The following STPG2 variants were observed in gnomAD, a reference collection of about 807,000 sequenced individuals.
STPG2 encodes sperm-tail PG-rich repeat-containing protein 2.
STPG2 carries 56 observed loss-of-function variants against 54.2 expected under a neutral mutation model. The observed-to-expected ratio is 1.03, with a 90% CI of 0.83 to 1.29. The LOEUF is 1.29. STPG2 is among the 50% of genes most tolerant of loss of function. The probability of loss-of-function intolerance (pLI) is 0.00; values close to 1 mark genes in which losing one functional copy is unlikely to be tolerated. For missense variants in STPG2, 596 were observed against 544.9 expected (o/e 1.09, Z -0.93); for synonymous variants, 200 against 181.8 (o/e 1.10, Z -0.81).
At chr4:97,512,553 C>G (rs1179648392) in intron 4 of STPG2, among the ~76,000 whole-genome samples, 1 of 149,008 alleles carries the variant, frequency 6.7e-6, no homozygotes, top group Non-Finnish European at 1.5e-5. Context: ...TGAAAAGAAA[C>G]TGAGAAGAAG....
At chr4:97,481,720 T>C (rs1730224762) in intron 4 of STPG2, among the ~76,000 whole-genome samples, 1 of 151,674 alleles carries the variant, frequency 6.6e-6, no homozygotes, top group African/African-American at 2.4e-5. Context: ...AAAAATTCAC[T>C]TATTAATTCT....
intron 5 of STPG2, among the ~76,000 whole-genome samples, chr4:98,034,775 T>C (rs1270252423): frequency 1.3e-5 from 2 of 151,932 alleles, no homozygotes. Flanking sequence ...ACAGAACAGA[T>C]GCCTCAGAAA....
chr4:97,743,322 A>C (rs1725325642), intron 9 of STPG2, among the ~76,000 whole-genome samples: 1 of 151,708 alleles, frequency 6.6e-6, no homozygotes, highest in Non-Finnish European at 1.5e-5. Context: ...AGAGTAAGCA[A>C]AGGGATGATA....
chr4:97,874,668 C>T (rs968633613), intron 8 of STPG2, among the ~76,000 whole-genome samples: 1 of 151,724 alleles, frequency 6.6e-6, no homozygotes, highest in African/African-American at 2.4e-5. Flanking sequence ...TGCTGAAATT[C>T]ACTCATGTTC....
intron 9 of STPG2, among the ~76,000 whole-genome samples, chr4:97,809,823 C>A (rs186477554): frequency 1.2e-4 from 18 of 152,162 alleles, no homozygotes; most frequent in African/African-American, 4.3e-4. Flanking sequence ...GCTGCCCAGA[C>A]CTCTGATCTA....
intron 9 of STPG2, among the ~76,000 whole-genome samples, chr4:97,722,058 C>T (rs1724466130): frequency 6.9e-6 from 1 of 145,260 alleles, no homozygotes; most frequent in African/African-American, 2.8e-5. Context: ...GTCCCCCTCC[C>T]CTCCTTTTTT....
chr4:98,022,442 C>G (rs561862167), intron 5 of STPG2, among the ~76,000 whole-genome samples: 21 of 152,238 alleles, frequency 1.4e-4, no homozygotes, highest in African/African-American at 5.1e-4. Flanking sequence ...TCTCTGGCTG[C>G]CCCTAACATT....
intron 5 of STPG2, among the ~76,000 whole-genome samples, chr4:98,062,771 A>G (rs2110100286): frequency 6.6e-6 from 1 of 152,282 alleles, no homozygotes; most frequent in African/African-American, 2.4e-5. Context: ...CAAAAACCGC[A>G]ATTACTTTTG....
chr4:97,647,922 A>C (rs966544910), intron 10 of STPG2, among the ~76,000 whole-genome samples: 12 of 152,044 alleles, frequency 7.9e-5, no homozygotes, highest in Non-Finnish European at 1.5e-4. Context: ...GGAACATGGG[A>C]TAGGCAAGAC....
At chr4:98,046,039 G>GT (rs1226946018) in intron 5 of STPG2, among the ~76,000 whole-genome samples, 2 of 147,688 alleles carry the variant, frequency 1.4e-5, no homozygotes, top group South Asian at 4.2e-4. Flanking sequence ...GATCTTCATA[G>GT]TTTTTTCATT....
rs529454036 is a variant in STPG2 at position 98,100,822 on chromosome 4, C to T, written c.612+5131G>A. On this transcript the variant is annotated intron_variant, in intron 5 of 10. Coordinates refer to ENST00000295268, the MANE Select transcript of STPG2 (RefSeq NM_174952.3). The stretch of plus-strand genomic sequence containing the variant: ...TCCTGAGTATCTGGGATTACAGGCA[C>T]GTGCCACCATGCTGAACTAATTTTT... 1.8e-4 allele frequency among the ~76,000 whole-genome samples: 28 copies of T among 151,850 alleles called. 1 individual carries two copies. Among genetic ancestry groups the T allele is most frequent in the African/African-American group, 6.5e-4 (27 of 41,444 alleles).
intron 10 of STPG2, among the ~76,000 whole-genome samples, chr4:97,634,015 C>T (rs990249367): frequency 2.6e-5 from 4 of 152,208 alleles, no homozygotes; most frequent in African/African-American, 9.6e-5. Flanking sequence ...CTGCGTGCCT[C>T]TCTAGGCTCC....
At chr4:97,644,208 T>C (rs1381617142) in intron 10 of STPG2, among the ~76,000 whole-genome samples, 5 of 151,890 alleles carry the variant, frequency 3.3e-5, no homozygotes. Flanking sequence ...TTAAGAGAAG[T>C]ACCTGAGTGA....
At chr4:97,687,239 C>T (rs944758498) in intron 10 of STPG2, among the ~76,000 whole-genome samples, 3 of 152,054 alleles carry the variant, frequency 2.0e-5, no homozygotes, top group East Asian at 1.9e-4. Context: ...CATGAGCCAC[C>T]GTGCCCGGCC....
chr4:98,046,786 A>C (rs1527516), intron 5 of STPG2, among the ~76,000 whole-genome samples: 60,409 of 151,922 alleles, frequency 0.4, 12,263 homozygotes, highest in Middle Eastern at 0.46. Flanking sequence ...CACACTCTTT[A>C]AACCCACTGC....
intron 5 of STPG2, among the ~76,000 whole-genome samples, chr4:97,982,695 A>G (rs1734719964): frequency 6.6e-6 from 1 of 152,164 alleles, no homozygotes; most frequent in South Asian, 2.1e-4. Flanking sequence ...TAATGTAGGA[A>G]CATTTCTACA....
chr4:97,637,553 G>T (rs1721600343), intron 10 of STPG2, among the ~76,000 whole-genome samples: 4 of 152,148 alleles, frequency 2.6e-5, no homozygotes, highest in Admixed American at 2.6e-4. Context: ...AAGTCAAATT[G>T]TCCCTGTTTG....
chr4:97,443,873 G>A (rs1729152586), intron 4 of STPG2, among the ~76,000 whole-genome samples: 1 of 152,164 alleles, frequency 6.6e-6, no homozygotes, highest in Non-Finnish European at 1.5e-5. Context: ...AGAACCAAAG[G>A]TGAATTAGAG....
chr4:97,842,779 C>T (rs1175577469), intron 8 of STPG2, among the ~76,000 whole-genome samples: 3 of 151,798 alleles, frequency 2.0e-5, no homozygotes, highest in African/African-American at 7.3e-5. Context: ...CCTCTCTTAC[C>T]AATCCAATGT....
Sources: allele counts gnomAD v4.1 joint callset (sites outside exome capture counted in the v4.1 genomes callset), GRCh38; gene constraint gnomAD v4.1.1; transcripts MANE v1.5; gene names NCBI Gene and HGNC (gene_info 2026-07-23, HGNC 2026-07-21).